Variants in DAB2IP observed in about 807,000 individuals in gnomAD.
DAB2IP encodes the protein disabled homolog 2-interacting protein.
DAB2IP carries 28 observed loss-of-function variants against 107.2 expected under a neutral mutation model. That is an observed-to-expected ratio of 0.26 (90% CI 0.19 to 0.36). The LOEUF is 0.36. Among genes scored for constraint, DAB2IP ranks in the 10% least tolerant of loss-of-function variants. The pLI is 1.00. For missense variants in DAB2IP, 1,400 were observed against 1,644.7 expected, an observed-to-expected ratio of 0.85 and a Z score of 2.57; for synonymous variants, 755 against 706.4, an observed-to-expected ratio of 1.07 and a Z score of -1.09.
chr9:121,736,334 G>A lies in DAB2IP; in HGVS notation c.363-20679G>A, dbSNP rs1184843475. Reference sequence around the variant, plus strand: ...GGGCAAGTGAGGGGCTGGCGGGGCCGGTGGGGACCCAGACTCGCACGAAGG... The same window carrying A: ...GGGCAAGTGAGGGGCTGGCGGGGCCAGTGGGGACCCAGACTCGCACGAAGG... On this transcript the variant is annotated intron_variant, in intron 3 of 15. Coordinates refer to ENST00000408936, the Ensembl canonical transcript of DAB2IP. This position sits in a 1 kb window ranked among gnomAD's most constrained non-coding sequence, Gnocchi z 4.6. 2.0e-5 allele frequency among the ~76,000 whole-genome samples: 3 copies of A among 152,194 alleles called. No homozygotes were observed. The highest frequency in any genetic ancestry group is 4.4e-5 in the Non-Finnish European group (3 of 68,024).
chr9:121,579,779 G>A (rs370504641), intron 1 of DAB2IP, among the ~76,000 whole-genome samples: 11 of 152,182 alleles, frequency 7.2e-5, no homozygotes, highest in African/African-American at 2.7e-4. Flanking sequence ...TTTGTTGAAT[G>A]AATAATGAAT....
intron 12 of DAB2IP, 38 bp downstream of exon 12, chr9:121,773,533 G>C: frequency 7.0e-7 from 1 of 1,433,688 alleles, no homozygotes; most frequent in Non-Finnish European, 9.1e-7. Context: ...CTGGGCACTT[G>C]GGCCCAGCTG....
Position 121,760,549 on chromosome 9 carries a change from G to A in DAB2IP, c.1170+110G>A, listed in dbSNP as rs1403844219. On this transcript the variant is annotated intron_variant, in intron 6 of 15. Coordinates refer to ENST00000408936, the Ensembl canonical transcript of DAB2IP. The surrounding 1 kb of genome is among the most constrained non-coding windows in gnomAD (Gnocchi z 5.9). ...CCTAACAGAGGCCTTGGAGGCACCG[G>A]TCACTACCAGAAGGGCTCCCTAAAC... The A allele has an allele frequency of 9.0e-6, 12 of 1,337,048 alleles. No homozygotes were observed. In the East Asian group the frequency reaches 2.5e-4, roughly 28 times the overall value. 82.8% of individuals were successfully genotyped at this position (1,337,048 alleles called of 1,614,324 possible). A position where few individuals can be genotyped will look rare whatever the true frequency, so the allele number is the denominator to read the frequency against.
At chr9:121,706,600 T>C (rs1245835188) in intron 3 of DAB2IP, among the ~76,000 whole-genome samples, 1 of 152,114 alleles carries the variant, frequency 6.6e-6, no homozygotes, top group Non-Finnish European at 1.5e-5. Flanking sequence ...CTTCCACTCA[T>C]CCATCAAGAG....
intron 1 of DAB2IP, among the ~76,000 whole-genome samples, chr9:121,677,902 T>A (rs1326980311): frequency 1.3e-5 from 2 of 152,128 alleles, no homozygotes; most frequent in Non-Finnish European, 2.9e-5. Flanking sequence ...CCTCAGGTGA[T>A]CCTCCCGCCT....
chr9:121,669,403 A>G (rs1833583712), intron 1 of DAB2IP, among the ~76,000 whole-genome samples: 1 of 152,136 alleles, frequency 6.6e-6, no homozygotes, highest in Non-Finnish European at 1.5e-5. Flanking sequence ...GTACACCTCT[A>G]GTTGAATAAG....
chr9:121,775,868 G>GT (rs1835163712), intron 13 of DAB2IP, among the ~76,000 whole-genome samples: 3 of 152,342 alleles, frequency 2.0e-5, no homozygotes, highest in South Asian at 4.1e-4. Context: ...GTATCCAAGG[G>GT]TTTTTTAACC....
At chr9:121,607,010 A>G (rs1830905285) in intron 1 of DAB2IP, among the ~76,000 whole-genome samples, 1 of 151,930 alleles carries the variant, frequency 6.6e-6, no homozygotes, top group African/African-American at 2.4e-5. Context: ...CCTGACCTTA[A>G]GTGATCCACC....
chr9:121,639,027 C>T (rs1220205154), intron 1 of DAB2IP, among the ~76,000 whole-genome samples: 1 of 152,106 alleles, frequency 6.6e-6, no homozygotes, highest in Non-Finnish European at 1.5e-5. Flanking sequence ...AGGAGTAGGG[C>T]TGGGGCCATA....
chr9:121,659,383 G>A (rs1001508803), intron 1 of DAB2IP, among the ~76,000 whole-genome samples: 8 of 152,182 alleles, frequency 5.3e-5, no homozygotes, highest in Admixed American at 4.6e-4. Flanking sequence ...CTGTGTGACT[G>A]CAGACAAGTC....
intron 3 of DAB2IP, among the ~76,000 whole-genome samples, chr9:121,729,620 G>C (rs1170868124): frequency 6.6e-6 from 1 of 152,178 alleles, no homozygotes; most frequent in Non-Finnish European, 1.5e-5. Flanking sequence ...ACAGGTGGGA[G>C]GACTCTAGCA....
chr9:121,717,113 A>G (rs1830647047), intron 3 of DAB2IP, among the ~76,000 whole-genome samples: 1 of 152,170 alleles, frequency 6.6e-6, no homozygotes, highest in African/African-American at 2.4e-5. Context: ...CCCTCAGAGA[A>G]GCACTTTTCA....
chr9:121,783,800 T>C, exon 16 of DAB2IP: 1 of 564,468 alleles, frequency 1.8e-6, no homozygotes. Context: ...CTCTAGGCTG[T>C]TCTGTAGCTT....
intron 1 of DAB2IP, among the ~76,000 whole-genome samples, chr9:121,598,861 T>C (rs1830594303): frequency 6.6e-6 from 1 of 152,242 alleles, no homozygotes; most frequent in African/African-American, 2.4e-5. Flanking sequence ...GGCCTCAGTG[T>C]GCCTATCTGG....
chr9:121,747,072 G>A (rs532965945), intron 3 of DAB2IP, among the ~76,000 whole-genome samples: 1 of 152,306 alleles, frequency 6.6e-6, no homozygotes, highest in South Asian at 2.1e-4. Flanking sequence ...TAGAGCTTGG[G>A]AGCTTCAGAG....
In DAB2IP at chr9:121,635,570, G is replaced by A. The variant is rs866366238; in HGVS notation, c.41-43108G>A. On this transcript the variant is annotated intron_variant, in intron 1 of 16. Transcript: ENST00000259371. This position sits in a 1 kb window ranked among gnomAD's most constrained non-coding sequence, Gnocchi z 4.3. ...TTGCTGCCAACATGGCCTGTCTGCA[G>A]GGAAGAAGGCCACCTGAGAGAGAGG... 1.3e-5 allele frequency among the ~76,000 whole-genome samples: 2 copies of A among 152,126 alleles called. No homozygotes were observed. Among genetic ancestry groups the A allele is most frequent in the African/African-American group, 4.8e-5 (2 of 41,420 alleles).
chr9:121,710,876 G>T (rs1405981620), intron 3 of DAB2IP, among the ~76,000 whole-genome samples: 2 of 152,208 alleles, frequency 1.3e-5, no homozygotes, highest in Admixed American at 6.5e-5. Flanking sequence ...CACTGCCCTG[G>T]TGTCACCACC....
chr9:121,771,604 TG>T (rs201593421), intron 11 of DAB2IP, among the ~76,000 whole-genome samples: 1,838 of 151,508 alleles, frequency 0.012, 18 homozygotes, highest in South Asian at 0.053. Context: ...GAGTTTGGAG[TG>T]GGGGGTGCAG....
intron 1 of DAB2IP, among the ~76,000 whole-genome samples, chr9:121,628,710 A>G (rs1320301807): frequency 6.6e-6 from 1 of 152,102 alleles, no homozygotes; most frequent in African/African-American, 2.4e-5. Flanking sequence ...GGGCATGCAG[A>G]GGGCCTGGCA....
Sources: allele counts gnomAD v4.1 joint callset (sites outside exome capture counted in the v4.1 genomes callset), GRCh38; gene constraint gnomAD v4.1.1; non-coding constraint Gnocchi (gnomAD v3.1); transcripts MANE v1.5; gene names NCBI Gene and HGNC (gene_info 2026-07-23, HGNC 2026-07-21).